The following FAM107B variants were observed in gnomAD, a reference collection of about 807,000 sequenced individuals.
FAM107B encodes protein FAM107B.
Under a neutral mutation model 31.5 loss-of-function variants are expected in FAM107B, and 21 were observed. The observed-to-expected ratio is 0.67, with a 90% confidence interval of 0.47 to 0.96. The LOEUF is 0.96. Ranked by LOEUF, FAM107B falls within the 40% of genes least tolerant of loss-of-function variation. The pLI is 0.00. For synonymous variants in FAM107B, 157 were observed against 141.5 expected, an observed-to-expected ratio of 1.11 and a Z score of -0.78; for missense variants, 452 against 377.1, an observed-to-expected ratio of 1.20 and a Z score of -1.64.
At chr10:14,690,484 C>T (rs145381181) in intron 1 of FAM107B, among the ~76,000 whole-genome samples, 145 of 151,982 alleles carry the variant, frequency 9.5e-4, no homozygotes, top group African/African-American at 3.3e-3. Flanking sequence ...GATGGAGTCT[C>T]GCTCTGTCGC....
chr10:14,553,602 G>A (rs1160220290), intron 2 of FAM107B: 11 of 309,602 alleles, frequency 3.6e-5, no homozygotes, highest in Non-Finnish European at 7.0e-5. Context: ...AAAAGAGTAG[G>A]GGAGACACTA....
chr10:14,683,510 C>G lies in FAM107B; in HGVS notation c.412-15819G>C, dbSNP rs183554558. Among the ~76,000 whole-genome samples, 22 of 152,298 alleles carry G rather than the reference C, an allele frequency of 1.4e-4. No homozygotes were observed. In the East Asian group the frequency reaches 3.9e-3, roughly 27 times the overall value. Reference sequence around the variant, plus strand: ...AAAGTTTGACGCAATCTTTTGGCTACAATTCAACCTGCTGGTCTAAAATTC... The same window carrying G: ...AAAGTTTGACGCAATCTTTTGGCTAGAATTCAACCTGCTGGTCTAAAATTC... On this transcript the variant is annotated intron_variant, in intron 1 of 4. Coordinates refer to ENST00000181796, the MANE Select transcript of FAM107B (RefSeq NM_031453.4).
At chr10:14,590,676 G>A (rs1302793898) in intron 2 of FAM107B, among the ~76,000 whole-genome samples, 3 of 152,040 alleles carry the variant, frequency 2.0e-5, no homozygotes, top group African/African-American at 7.2e-5. Context: ...AAGTTGAGAG[G>A]TGCCATTAAG....
intron 1 of FAM107B, among the ~76,000 whole-genome samples, chr10:14,669,708 A>G (rs189266231): frequency 6.6e-6 from 1 of 152,316 alleles, no homozygotes; most frequent in East Asian, 1.9e-4. Context: ...GTTCTTACTC[A>G]TATGTGGGAA....
chr10:14,530,332 C>T lies in FAM107B; in HGVS notation c.653G>A (p.Arg218Lys). Residue 218 changes from arginine (R) to lysine (K), a missense_variant and splice_region_variant, in exon 3 of 5, where the codon AGG (arginine) becomes AAG (lysine). Arg to Lys is a conservative substitution (Grantham distance 26). Coordinates refer to ENST00000181796, the MANE Select transcript of FAM107B (RefSeq NM_031453.4). ...AAATATGCTCAAGAAACCATTTTAC[C>T]TTTTTTGATTCATAAGAAGTTCTCT... is the stretch of plus-strand genomic sequence containing the variant. ...LHRELLMNQK[R>K]GLAPQNKPEL... The T allele has an allele frequency of 6.3e-7, 1 of 1,599,458 alleles. No individual in the cohort carries two copies. Among genetic ancestry groups the T allele is most frequent in the Non-Finnish European group, 8.5e-7 (1 of 1,175,698 alleles).
intron 2 of FAM107B, 74 bp downstream of exon 2, chr10:14,667,560 A>T: frequency 6.8e-7 from 1 of 1,474,602 alleles, no homozygotes; most frequent in Non-Finnish European, 9.3e-7. Context: ...GCAATCTGAA[A>T]AGCCTTAGGA....
At chr10:14,542,032 C>A (rs1334937408) in intron 2 of FAM107B, among the ~76,000 whole-genome samples, 3 of 152,002 alleles carry the variant, frequency 2.0e-5, no homozygotes. Context: ...CTGAGGCAGG[C>A]AGATCACTTG....
chr10:14,712,850 A>G (rs1266154659), intron 1 of FAM107B, among the ~76,000 whole-genome samples: 4 of 152,114 alleles, frequency 2.6e-5, no homozygotes, highest in Non-Finnish European at 4.4e-5. Context: ...ACGAGTCCAA[A>G]ATTCATATTT....
At chr10:14,710,856 A>C (rs1855629421) in intron 1 of FAM107B, among the ~76,000 whole-genome samples, 1 of 152,192 alleles carries the variant, frequency 6.6e-6, no homozygotes, top group South Asian at 2.1e-4. Context: ...GAAGTTGAAA[A>C]AGTAAAAGGT....
chr10:14,604,324 G>A (rs1852515790), intron 2 of FAM107B: 4 of 909,656 alleles, frequency 4.4e-6, no homozygotes, highest in Non-Finnish European at 5.2e-6. Context: ...ACTGCTCGGC[G>A]GCGGCCCGAG....
At chr10:14,730,036 TG>T (rs1160661684) in intron 1 of FAM107B, among the ~76,000 whole-genome samples, 2 of 151,604 alleles carry the variant, frequency 1.3e-5, no homozygotes, top group Non-Finnish European at 2.9e-5. Context: ...TGAGGCCTGT[TG>T]GGGGGTTGGG....
At chr10:14,600,227 T>A (rs1409945269) in intron 2 of FAM107B, among the ~76,000 whole-genome samples, 2 of 152,156 alleles carry the variant, frequency 1.3e-5, no homozygotes, top group Non-Finnish European at 2.9e-5. Flanking sequence ...GGACACCACG[T>A]CCTACCACAA....
intron 2 of FAM107B, among the ~76,000 whole-genome samples, chr10:14,635,309 T>C (rs898635144): frequency 5.9e-5 from 9 of 152,178 alleles, no homozygotes; most frequent in African/African-American, 9.6e-5. Context: ...ACAGGAACTC[T>C]GCCCAAATGC....
At chr10:14,527,295 A>T (rs181955034) in intron 3 of FAM107B, among the ~76,000 whole-genome samples, 1 of 152,356 alleles carries the variant, frequency 6.6e-6, no homozygotes, top group African/African-American at 2.4e-5. Flanking sequence ...GGCTTCAAAG[A>T]CTTTTAACCT....
At chr10:14,699,885 C>T (rs1423745536) in intron 1 of FAM107B, among the ~76,000 whole-genome samples, 1 of 152,134 alleles carries the variant, frequency 6.6e-6, no homozygotes, top group Non-Finnish European at 1.5e-5. Flanking sequence ...CTGTGGAGCG[C>T]CAGCGAGTGC....
intron 1 of FAM107B, among the ~76,000 whole-genome samples, chr10:14,685,194 G>C (rs1169915150): frequency 6.7e-6 from 1 of 149,912 alleles, no homozygotes; most frequent in African/African-American, 2.5e-5. Context: ...TGTCACCTGG[G>C]CTGGAGTGCA....
rs202009537 is a variant in FAM107B at position 14,601,963 on chromosome 10, C to G, written c.469+65671G>C. Reference sequence around the variant, plus strand: ...AATGACGGCGTCCATCCTCCCACATCAGGAACAAGATTTCACATGTCAGTT... The same window carrying G: ...AATGACGGCGTCCATCCTCCCACATGAGGAACAAGATTTCACATGTCAGTT... On this transcript the variant is annotated intron_variant, in intron 2 of 4. Transcript: ENST00000181796. Among the ~76,000 whole-genome samples the G allele has an allele frequency of 2.1e-4, 32 of 152,342 alleles. No homozygotes were observed. In the East Asian group the frequency reaches 4.8e-3, roughly 23 times the overall value.
At chr10:14,664,105 A>C (rs1052125874) in intron 2 of FAM107B, among the ~76,000 whole-genome samples, 3 of 151,984 alleles carry the variant, frequency 2.0e-5, no homozygotes, top group Non-Finnish European at 2.9e-5. Flanking sequence ...TCACCTCCTT[A>C]GTGCTCCCTG....
chr10:14,669,409 A>G (rs959063833), intron 1 of FAM107B, among the ~76,000 whole-genome samples: 5 of 151,360 alleles, frequency 3.3e-5, no homozygotes, highest in Non-Finnish European at 7.4e-5. Flanking sequence ...TCCTTTTCGA[A>G]GGAAATCAGT....
Sources: allele counts gnomAD v4.1 joint callset (sites outside exome capture counted in the v4.1 genomes callset), GRCh38; gene constraint gnomAD v4.1.1; transcripts MANE v1.5; gene names NCBI Gene and HGNC (gene_info 2026-07-23, HGNC 2026-07-21).